The following NAALADL2 variants were observed in gnomAD, a reference collection of about 807,000 sequenced individuals.
NAALADL2 encodes inactive N-acetylated-alpha-linked acidic dipeptidase-like protein 2.
NAALADL2 carries 76 observed loss-of-function variants against 87.2 expected under a neutral mutation model. The observed-to-expected ratio is 0.87, with a 90% confidence interval of 0.72 to 1.05. NAALADL2 has a LOEUF of 1.05. NAALADL2 is among the 50% of genes least tolerant of loss of function. NAALADL2 has a pLI of 0.00. For missense variants in NAALADL2, 1,089 were observed against 945.8 expected, an observed-to-expected ratio of 1.15 and a Z score of -1.99; for synonymous variants, 354 against 331.0, an observed-to-expected ratio of 1.07 and a Z score of -0.75.
chr3:174,944,555 A>C (rs1579653602), intron 1 of NAALADL2, among the ~76,000 whole-genome samples: 1 of 152,240 alleles, frequency 6.6e-6, no homozygotes, highest in African/African-American at 2.4e-5. Context: ...ACTGCTTAGC[A>C]TCCTGGATTC....
chr3:174,635,539 G>A (rs1300969612), intron 2 of NAALADL2, among the ~76,000 whole-genome samples: 1 of 145,850 alleles, frequency 6.9e-6, no homozygotes, highest in African/African-American at 2.5e-5. Flanking sequence ...GTCTTGCTCT[G>A]TCATCCAGGC....
rs1288845527 is a variant in NAALADL2 at position 174,829,677 on chromosome 3, T to C, written c.-9+91931T>C. 1.6e-4 allele frequency among the ~76,000 whole-genome samples: 23 copies of C among 142,920 alleles called. 1 individual carries two copies. Among genetic ancestry groups the C allele is most frequent in the African/African-American group, 5.2e-4 (19 of 36,536 alleles). The allele number at this position is 142,920 out of a possible 152,430, so 93.8% of individuals were successfully genotyped here. A position where few individuals can be genotyped will look rare whatever the true frequency, so the allele number is the denominator to read the frequency against. On this transcript the variant is annotated intron_variant, in intron 3 of 3. Coordinates refer to the NAALADL2 transcript ENST00000434257. ...AATGGTATTTCCAGTTCTAGATCCCTGAGGAATCGCCACACTGACTTCCAC... is the reference window on the plus strand; with the variant it reads ...AATGGTATTTCCAGTTCTAGATCCCCGAGGAATCGCCACACTGACTTCCAC...
At chr3:174,862,029 C>T (rs866355845) in intron 1 of NAALADL2, among the ~76,000 whole-genome samples, 3 of 151,820 alleles carry the variant, frequency 2.0e-5, no homozygotes, top group South Asian at 2.1e-4. Context: ...GTAACCCCAG[C>T]GGAGAATTGT....
intron 1 of NAALADL2, among the ~76,000 whole-genome samples, chr3:174,941,849 C>T (rs1340326870): frequency 6.6e-6 from 1 of 152,006 alleles, no homozygotes; most frequent in Non-Finnish European, 1.5e-5. Flanking sequence ...TTTCCATTTG[C>T]ATGGTGGATT....
At chr3:175,275,929 C>A (rs1417468763) in intron 4 of NAALADL2, among the ~76,000 whole-genome samples, 2 of 151,142 alleles carry the variant, frequency 1.3e-5, no homozygotes, top group African/African-American at 4.9e-5. Context: ...ATGACCGTAA[C>A]CTTATTAACC....
intron 1 of NAALADL2, among the ~76,000 whole-genome samples, chr3:174,475,738 T>C (rs1259626104): frequency 6.6e-6 from 1 of 152,080 alleles, no homozygotes; most frequent in African/African-American, 2.4e-5. Flanking sequence ...TCTTCCTTTG[T>C]CCTCTTCGCT....
chr3:175,339,051 A>G (rs61310484), intron 5 of NAALADL2, among the ~76,000 whole-genome samples: 5,300 of 152,322 alleles, frequency 0.035, 288 homozygotes, highest in African/African-American at 0.12. Context: ...CTGGCAATAC[A>G]GCAGAACCCT....
At chr3:175,391,906 T>G (rs1769120975) in intron 5 of NAALADL2, among the ~76,000 whole-genome samples, 3 of 152,166 alleles carry the variant, frequency 2.0e-5, no homozygotes, top group Admixed American at 2.0e-4. Context: ...CAAAATCTAT[T>G]AAATGCTAAC....
At chr3:174,605,933 C>A (rs954467482) in intron 2 of NAALADL2, among the ~76,000 whole-genome samples, 1 of 152,188 alleles carries the variant, frequency 6.6e-6, no homozygotes, top group African/African-American at 2.4e-5. Context: ...TAGGGGCAGA[C>A]TGACACCTCA....
intron 1 of NAALADL2, among the ~76,000 whole-genome samples, chr3:175,070,219 TAAATC>T (rs973987002): frequency 1.3e-5 from 2 of 149,026 alleles, no homozygotes; most frequent in African/African-American, 4.9e-5. Flanking sequence ...TAAAAAATCT[TAAATC>T]TATCAGTTTT....
chr3:175,393,280 CAAAAAAAAAAAAAAA>C lies in NAALADL2; in HGVS notation c.1091-53927_1091-53913del, dbSNP rs775778803. On this transcript the variant is annotated intron_variant, in intron 5 of 13. Coordinates refer to ENST00000454872, the MANE Select transcript of NAALADL2 (RefSeq NM_207015.3). ...TGGGCGACAGAGCGAGACTCCGTCT[CAAAAAAAAAAAAAAA>C]AAAAAAAAAAAAAAAAAAAAATTGT... is the stretch of plus-strand genomic sequence containing the variant. 2.5e-3 allele frequency among the ~76,000 whole-genome samples: 74 copies of C among 29,514 alleles called. 1 individual carries two copies. The highest frequency in any genetic ancestry group is 0.083 in the Middle Eastern group (2 of 24). 19.4% of individuals were successfully genotyped at this position (29,514 alleles called of 152,430 possible).
intron 3 of NAALADL2, among the ~76,000 whole-genome samples, chr3:174,799,686 C>G (rs1457224642): frequency 1.3e-5 from 2 of 152,104 alleles, no homozygotes; most frequent in African/African-American, 2.4e-5. Context: ...AAAAGATACC[C>G]AAAAATGTGG....
intron 2 of NAALADL2, among the ~76,000 whole-genome samples, chr3:174,674,638 T>C (rs972692556): frequency 6.6e-6 from 1 of 152,034 alleles, no homozygotes; most frequent in African/African-American, 2.4e-5. Context: ...TCTACCCTTT[T>C]ATTGGGCCTA....
At chr3:174,579,509 C>A (rs1715921910) in intron 2 of NAALADL2, among the ~76,000 whole-genome samples, 1 of 151,926 alleles carries the variant, frequency 6.6e-6, no homozygotes, top group Admixed American at 6.6e-5. Context: ...ATGTGCAGAG[C>A]TAATCTGTGG....
At chr3:175,579,958 CCTTATA>C (rs1266925614) in intron 10 of NAALADL2, among the ~76,000 whole-genome samples, 1 of 152,132 alleles carries the variant, frequency 6.6e-6, no homozygotes, top group Non-Finnish European at 1.5e-5. Flanking sequence ...CTCTGTTTAA[CCTTATA>C]CTTTTCGCTG....
intron 3 of NAALADL2, among the ~76,000 whole-genome samples, chr3:174,765,123 T>TACAC (rs10543370): frequency 3.0e-4 from 36 of 119,072 alleles, no homozygotes; most frequent in African/African-American, 9.5e-4. Flanking sequence ...TACACACACA[T>TACAC]ACACACACAC....
intron 1 of NAALADL2, among the ~76,000 whole-genome samples, chr3:175,047,412 G>A (rs1560512340): frequency 6.6e-6 from 1 of 152,062 alleles, no homozygotes; most frequent in African/African-American, 2.4e-5. Context: ...TTCTCTGGTT[G>A]ATAGGTCTGT....
intron 2 of NAALADL2, among the ~76,000 whole-genome samples, chr3:174,559,367 C>T (rs890156517): frequency 2.0e-5 from 3 of 152,110 alleles, no homozygotes; most frequent in African/African-American, 7.2e-5. Flanking sequence ...AAGGAATTTG[C>T]AAGACAATTG....
chr3:175,007,389 A>G (rs1749177793), intron 1 of NAALADL2, among the ~76,000 whole-genome samples: 1 of 152,164 alleles, frequency 6.6e-6, no homozygotes, highest in African/African-American at 2.4e-5. Flanking sequence ...GAAAACCCTG[A>G]AGGAAGAACA....
Sources: gnomAD v4.1 joint callset for allele counts (sites outside exome capture counted in the v4.1 genomes callset) on GRCh38, gnomAD v4.1.1 for gene constraint, MANE v1.5 for transcripts, NCBI Gene and HGNC (gene_info 2026-07-23, HGNC 2026-07-21) for gene names.